The following ODAM variants were observed in gnomAD, a reference collection of about 807,000 sequenced individuals.
The protein encoded by ODAM is odontogenic, ameloblast associated.
Under a neutral mutation model 48.5 loss-of-function variants are expected in ODAM, and 55 were observed. The observed-to-expected ratio is 1.13, with a 90% CI of 0.91 to 1.42. The LOEUF is 1.42. ODAM is among the 40% of genes most tolerant of loss of function. ODAM has a pLI of 0.00. For missense variants in ODAM, 353 were observed against 323.6 expected (o/e 1.09, Z -0.70); for synonymous variants, 127 against 107.8 (o/e 1.18, Z -1.10).
rs181660659 is a variant in ODAM, at chr4:70,197,301, C to T, written c.121C>T (p.Leu41Phe). 2,035 of 1,446,746 alleles carry T rather than the reference C, an allele frequency of 1.4e-3. 2 individuals carry two copies. Among genetic ancestry groups the T allele is most frequent in the Non-Finnish European group, 1.8e-3 (1,883 of 1,029,444 alleles). 89.6% of individuals were successfully genotyped at this position (1,446,746 alleles called of 1,614,324 possible). The stretch of plus-strand genomic sequence containing the variant: ...ACTTCTTAATCTTAATAATGGTCAA[C>T]TTTTGCCACTACAACTTCAGGTACC... ...ELLLNLNNGQLLPLQLQGPLN... is the reference protein window; with the variant it reads ...ELLLNLNNGQFLPLQLQGPLN... Residue 41 changes from leucine to phenylalanine, a missense_variant, in exon 4 of 12, where the codon CTT (leucine) becomes TTT (phenylalanine). By Grantham distance (22) the Leu-to-Phe change is conservative. Transcript: ENST00000683306.
In ODAM at chr4:70,202,341, T is replaced by C. The variant is rs201964893; in HGVS notation, c.648+12T>C. On this transcript the variant is annotated intron_variant, in intron 9 of 11. Transcript: ENST00000683306. ...AAATTGCTGTGATGGTAAGATTCCT[T>C]ACAACACTTTGCCAGCTACTGGAAA... The C allele has an allele frequency of 1.5e-3, 2,481 of 1,603,334 alleles. 13 individuals carry two copies. The highest frequency in any genetic ancestry group is 0.014 in the Middle Eastern group (82 of 6,026).
intron 4 of ODAM, 53 bp from the exon 5 acceptor site, chr4:70,197,870 TA>T (rs1475728892): frequency 4.8e-6 from 7 of 1,469,164 alleles, no homozygotes; most frequent in Non-Finnish European, 6.6e-6. Context: ...GACTAATTTT[TA>T]AATTCTTTTT....
At position 70,197,939 on chromosome 4, in the gene ODAM, TG is replaced by T; in HGVS notation, c.159del (p.Trp53Ter). On this transcript the variant is annotated frameshift_variant, in exon 5 of 12. Transcript: ENST00000683306. LOFTEE classifies it high-confidence loss of function. Reference protein sequence around the residue: ...PLQLQGPLNSWIPPFSGILQQ... With the variant: ...PLQLQGPLNSXIPPFSGILQQ... ...GTCTTTTTAGGGCCCACTTAATTCA[TG>T]GATTCCACCTTTCTCTGGAATTTTA... is the stretch of plus-strand genomic sequence containing the variant. 1.2e-6 allele frequency: 2 copies of T among 1,613,024 alleles called. No individual in the cohort carries two copies. The highest frequency in any genetic ancestry group is 1.7e-6 in the Non-Finnish European group (2 of 1,179,328).
chr4:70,198,693 C>A, intron 6 of ODAM, 67 bp downstream of exon 6: 2 of 1,212,382 alleles, frequency 1.6e-6, no homozygotes, highest in Non-Finnish European at 2.4e-6. Context: ...CTTTCTATTT[C>A]TAGCTCTGAC....
At chr4:70,203,966 T>C (rs1170095616) in intron 11 of ODAM, among the ~76,000 whole-genome samples, 1 of 151,986 alleles carries the variant, frequency 6.6e-6, no homozygotes, top group African/African-American at 2.4e-5. Context: ...GCCTCCTTAC[T>C]AATGTACTAT....
chr4:70,201,905 A>G (rs1182162448), intron 8 of ODAM, among the ~76,000 whole-genome samples: 1 of 151,906 alleles, frequency 6.6e-6, no homozygotes, highest in Non-Finnish European at 1.5e-5. Context: ...CCAAGATGTG[A>G]GAACACCTGG....
chr4:70,200,440 AG>A, intron 6 of ODAM, 56 bp from the exon 7 acceptor site: 1 of 885,188 alleles, frequency 1.1e-6, no homozygotes, highest in Non-Finnish European at 1.8e-6. Flanking sequence ...GAAGATAAAA[AG>A]TATGTCCTAT....
In ODAM at chr4:70,198,173, T is replaced by C; in HGVS notation, c.375+16T>C. On this transcript the variant is annotated intron_variant, in intron 5 of 11. Transcript: ENST00000683306. The stretch of plus-strand genomic sequence containing the variant: ...CCCCAGTCACGTAAGTCAGGCCTCT[T>C]TCATTTTGTTCTGAGGAGAGAGAAC... 1.3e-6 allele frequency: 2 copies of C among 1,599,894 alleles called. No individual in the cohort carries two copies. The highest frequency in any genetic ancestry group is 1.7e-6 in the Non-Finnish European group (2 of 1,169,610).
rs545413285 is a variant in ODAM, at chr4:70,200,590, T to G, written c.517T>G (p.Tyr173Asp). ...ACCTCAACAAACAAGACAGCAACAG[T>G]ATGAGGAGCAGGTACTGCAAATGTT... The part of the protein sequence containing the change: ...RSPQQTRQQQ[Y>D]EEQIPFYAQF... Residue 173 changes from tyrosine (Y) to aspartate (D), a missense_variant, in exon 7 of 12, where the codon TAT (tyrosine) becomes GAT (aspartate). By Grantham distance (160) the Tyr-to-Asp change is radical. Coordinates refer to ENST00000683306, the MANE Select transcript of ODAM (RefSeq NM_017855.4). 1 of 1,603,726 alleles carries G rather than the reference T, an allele frequency of 6.2e-7. No individual in the cohort carries two copies. The highest frequency in any genetic ancestry group is 1.7e-5 in the Admixed American group (1 of 59,478).
chr4:70,198,990 T>C (rs1729439878), intron 6 of ODAM, among the ~76,000 whole-genome samples: 1 of 151,952 alleles, frequency 6.6e-6, no homozygotes, highest in South Asian at 2.1e-4. Flanking sequence ...AAATTTTGCT[T>C]CAGAAGGAGA....
intron 10 of ODAM, 112 bp from the exon 11 acceptor site, chr4:70,203,044 G>A (rs1468164963): frequency 7.8e-7 from 1 of 1,285,618 alleles, no homozygotes; most frequent in Non-Finnish European, 1.1e-6. Flanking sequence ...AAAAATATGT[G>A]GTCTTAACTC....
At chr4:70,200,726 T>A (rs1332882817) in intron 7 of ODAM, 125 bp downstream of exon 7, 2 of 584,330 alleles carry the variant, frequency 3.4e-6, no homozygotes, top group Non-Finnish European at 6.1e-6. Context: ...ATGAAACAGG[T>A]AGGCATAAGA....
At chr4:70,199,784 G>GT (rs759776220) in intron 6 of ODAM, among the ~76,000 whole-genome samples, 29 of 151,818 alleles carry the variant, frequency 1.9e-4, no homozygotes, top group Non-Finnish European at 3.7e-4. Flanking sequence ...AACCCTAGTT[G>GT]TTTTTTTTAA....
chr4:70,200,508 C>A lies in ODAM; in HGVS notation c.435C>A (p.Tyr145Ter). Residue 145 changes from tyrosine (Y) to a stop codon, truncating the protein, a stop_gained, in exon 7 of 12, where the codon TAC (tyrosine) becomes TAA (stop). Transcript: ENST00000683306. LOFTEE classifies it high-confidence loss of function. ...CTTTTTACAAGTAGATGTTTCAATA[C>A]TATCCAGTTTACATGGTCCTACCCT... ...MPQEQGQMFQ[Y>*]YPVYMVLPWE... The A allele has an allele frequency of 6.3e-7, 1 of 1,596,840 alleles. No individual in the cohort carries two copies. Among genetic ancestry groups the A allele is most frequent in the Non-Finnish European group, 8.6e-7 (1 of 1,166,216 alleles).
At chr4:70,203,883 C>T (rs1028444327) in intron 11 of ODAM, among the ~76,000 whole-genome samples, 3 of 151,848 alleles carry the variant, frequency 2.0e-5, no homozygotes, top group African/African-American at 4.8e-5. Flanking sequence ...AAAATGAGCA[C>T]GCAGCATTCT....
intron 7 of ODAM, 130 bp downstream of exon 7, chr4:70,200,731 A>G (rs1729477628): frequency 1.8e-6 from 1 of 569,770 alleles, no homozygotes; most frequent in Non-Finnish European, 3.1e-6. Flanking sequence ...ACAGGTAGGC[A>G]TAAGAGGGTA....
At position 70,198,446 on chromosome 4, in the gene ODAM, G is replaced by C. The variant is rs1367941229; in HGVS notation, c.376-133G>C. The C allele has an allele frequency of 3.4e-5, 24 of 711,236 alleles. No individual in the cohort carries two copies. The East Asian group carries it at 6.7e-4, about 20-fold the overall frequency. 44.1% of individuals were successfully genotyped at this position (711,236 alleles called of 1,614,324 possible). ...GGCAGTTTATGTCAGCACATGTAAC[G>C]GATGACTTTTTGTTGTGGAAACTTG... is the stretch of plus-strand genomic sequence containing the variant. On this transcript the variant is annotated intron_variant, in intron 5 of 11. Coordinates refer to ENST00000683306, the MANE Select transcript of ODAM (RefSeq NM_017855.4).
At chr4:70,201,413 A>G in intron 7 of ODAM, 41 bp from the exon 8 acceptor site, 2 of 974,946 alleles carry the variant, frequency 2.1e-6, no homozygotes, top group Non-Finnish European at 3.2e-6. Flanking sequence ...CGACAAGAAT[A>G]ATCACAGAAA....
At chr4:70,201,623 G>T in intron 8 of ODAM, 122 bp downstream of exon 8, 2 of 653,304 alleles carry the variant, frequency 3.1e-6, no homozygotes, top group Non-Finnish European at 5.5e-6. Context: ...GAACAAAATT[G>T]TATGTATCCA....
Sources: allele counts gnomAD v4.1 joint callset (sites outside exome capture counted in the v4.1 genomes callset), GRCh38; gene constraint gnomAD v4.1.1; transcripts MANE v1.5; gene names NCBI Gene and HGNC (gene_info 2026-07-23, HGNC 2026-07-21).